The following DHX57 variants were observed in gnomAD, a reference collection of about 807,000 sequenced individuals.
The protein encoded by DHX57 is putative ATP-dependent RNA helicase DHX57.
DHX57 carries 105 observed loss-of-function variants against 156.2 expected under a neutral mutation model. The observed-to-expected ratio is 0.67, with a 90% CI of 0.57 to 0.79. The LOEUF is 0.79. DHX57 is among the 30% of genes least tolerant of loss of function. The probability of loss-of-function intolerance (pLI) is 0.00; values close to 1 mark genes in which losing one functional copy is unlikely to be tolerated. For synonymous variants in DHX57, 704 were observed against 595.6 expected (o/e 1.18, Z -2.65); for missense variants, 1,847 against 1,661.9 (o/e 1.11, Z -1.94).
chr2:38,872,907 C>T (rs1335343050), intron 1 of DHX57, among the ~76,000 whole-genome samples: 2 of 152,146 alleles, frequency 1.3e-5, no homozygotes, highest in Non-Finnish European at 2.9e-5. Context: ...CTCCACCCAA[C>T]AACGAACTAT....
chr2:38,798,207 C>G lies in DHX57; in HGVS notation c.*92G>C, dbSNP rs894003147. 6.6e-7 allele frequency: 1 copy of G among 1,518,976 alleles called. No individual in the cohort carries two copies. The highest frequency in any genetic ancestry group is 2.2e-5 in the Admixed American group (1 of 46,256). The allele number at this position is 1,518,976 out of a possible 1,614,324, so 94.1% of individuals were successfully genotyped here. On this transcript the variant is annotated 3_prime_UTR_variant, in exon 24 of 24. Transcript: ENST00000457308. ...TGGGCTCCTCCACCAGGGCCAGCCC[C>G]AATAGGTCTTTAGTTCGAGGTAGAG...
Position 38,861,031 on chromosome 2 carries a change from T to C in DHX57, c.1379A>G (p.Asn460Ser), listed in dbSNP as rs561305100. 3.4e-4 allele frequency: 541 copies of C among 1,613,796 alleles called. 8 individuals carry two copies. The South Asian group carries it at 5.5e-3, about 17-fold the overall frequency. Residue 460 changes from asparagine to serine, a missense_variant, in exon 5 of 24, where the codon AAT (asparagine) becomes AGT (serine). Coordinates refer to ENST00000457308, the MANE Select transcript of DHX57 (RefSeq NM_198963.3). ...AATTTGATTAGAAACAAAAGAATTA[T>C]TTGGAATCACTGTTTTATGACAGGC... ...NPACHKTVIP[N>S]NSFVSNQIPE...
Position 38,868,290 on chromosome 2 carries a change from C to A in DHX57, c.116G>T (p.Gly39Val). ...ACCTCCACCACCACCACCACCGCCA[C>A]CGCCACCACTCCCATGAGATTTACT... Reference protein sequence around the residue: ...HASKSHGSGGGGGGGGGGGGG... With the variant: ...HASKSHGSGGVGGGGGGGGGG... Residue 39 changes from glycine (G) to valine (V), a missense_variant, in exon 2 of 24, where the codon GGT becomes GTT. Gly to Val is a moderately radical substitution (Grantham distance 109). Coordinates refer to ENST00000457308, the MANE Select transcript of DHX57 (RefSeq NM_198963.3). 1 of 1,614,044 alleles carries A rather than the reference C, an allele frequency of 6.2e-7. No homozygotes were observed. Among genetic ancestry groups the A allele is most frequent in the Non-Finnish European group, 8.5e-7 (1 of 1,180,032 alleles).
At chr2:38,816,459 G>A (rs1047704110) in intron 19 of DHX57, among the ~76,000 whole-genome samples, 2 of 151,854 alleles carry the variant, frequency 1.3e-5, no homozygotes, top group African/African-American at 2.4e-5. Flanking sequence ...CAGGTGATCC[G>A]CCCACCTTGG....
intron 2 of DHX57, among the ~76,000 whole-genome samples, chr2:38,867,913 T>C (rs1018683487): frequency 2.0e-5 from 3 of 152,212 alleles, no homozygotes; most frequent in Admixed American, 2.0e-4. Context: ...TAAGGAATAC[T>C]TAAAATAATT....
In DHX57 at chr2:38,835,459, T is replaced by A. The variant is rs72911290; in HGVS notation, c.2542+2372A>T. Among the ~76,000 whole-genome samples, 595 of 152,328 alleles carry A rather than the reference T, an allele frequency of 3.9e-3. 1 individual carries two copies. The highest frequency in any genetic ancestry group is 0.014 in the African/African-American group (563 of 41,582). On this transcript the variant is annotated intron_variant, in intron 13 of 23. Coordinates refer to ENST00000457308, the MANE Select transcript of DHX57 (RefSeq NM_198963.3). ...CTGGACTGGTTCCATCAATGCTTTG[T>A]CCCTGGAATCAGGAAGCACCTTGCC...
Position 38,856,363 on chromosome 2 carries a change from C to A in DHX57, c.1686G>T (p.Val562=), listed in dbSNP as rs780099427. The change falls in exon 7 of 24, where the codon GTG becomes GTT. Residue 562 remains valine, a synonymous_variant. Coordinates refer to ENST00000457308, the MANE Select transcript of DHX57 (RefSeq NM_198963.3). ...TILNLLRKHQ[V]VVISGMTGCG... ...ACCCAGTCATACCACTTATGACAACCACCTGGTGCTTACGCAATAAGTTAA... is the reference window on the plus strand; with the variant it reads ...ACCCAGTCATACCACTTATGACAACAACCTGGTGCTTACGCAATAAGTTAA... 6 of 1,612,320 alleles carry A rather than the reference C, an allele frequency of 3.7e-6. No homozygotes were observed. In the East Asian group the frequency reaches 6.7e-5, roughly 18 times the overall value.
At chr2:38,836,775 C>CA (rs964200602) in intron 13 of DHX57, among the ~76,000 whole-genome samples, 1,782 of 41,618 alleles carry the variant, frequency 0.043, 42 homozygotes, top group African/African-American at 0.071. Context: ...GACCCTGTCT[C>CA]AAAAAAAAAA....
At chr2:38,831,003 G>A (rs1671351674) in intron 13 of DHX57, among the ~76,000 whole-genome samples, 1 of 151,954 alleles carries the variant, frequency 6.6e-6, no homozygotes, top group Admixed American at 6.6e-5. Context: ...AGGAAGTTGG[G>A]GCTGCAGTGA....
chr2:38,800,576 C>G (rs1219440189), intron 23 of DHX57, among the ~76,000 whole-genome samples: 2 of 152,100 alleles, frequency 1.3e-5, no homozygotes, highest in Non-Finnish European at 2.9e-5. Context: ...GTGAATGGCT[C>G]AGGTACTCCA....
At chr2:38,833,942 A>G (rs1671515268) in intron 13 of DHX57, among the ~76,000 whole-genome samples, 2 of 152,206 alleles carry the variant, frequency 1.3e-5, no homozygotes, top group Admixed American at 1.3e-4. Flanking sequence ...ACCTATTATA[A>G]AAGGTTAAAA....
At chr2:38,804,828 C>T (rs894469933) in intron 22 of DHX57, among the ~76,000 whole-genome samples, 1 of 152,200 alleles carries the variant, frequency 6.6e-6, no homozygotes, top group African/African-American at 2.4e-5. Flanking sequence ...TCAGTTGTTT[C>T]TCATCCCGGA....
chr2:38,848,516 C>A lies in DHX57; in HGVS notation c.2031-114G>T, dbSNP rs1201324492. The A allele has an allele frequency of 1.8e-5, 19 of 1,045,844 alleles. No individual in the cohort carries two copies. In the South Asian group the frequency reaches 2.9e-4, roughly 16 times the overall value. The allele number at this position is 1,045,844 out of a possible 1,614,324, so 64.8% of individuals were successfully genotyped here. A position where few individuals can be genotyped will look rare whatever the true frequency, so the allele number is the denominator to read the frequency against. ...GTAAGATCTCTGTGAAAAAAAAAAACCATTAACGTTCATAGAACAATATGT... is the reference window on the plus strand; with the variant it reads ...GTAAGATCTCTGTGAAAAAAAAAAAACATTAACGTTCATAGAACAATATGT... On this transcript the variant is annotated intron_variant, in intron 9 of 23. Transcript: ENST00000457308.
chr2:38,828,159 A>G (rs1001630558), intron 14 of DHX57, among the ~76,000 whole-genome samples, 181 bp downstream of exon 14: 1 of 152,084 alleles, frequency 6.6e-6, no homozygotes, highest in African/African-American at 2.4e-5. Flanking sequence ...CCTGGCCAAT[A>G]TTTTTCTTTA....
intron 21 of DHX57, among the ~76,000 whole-genome samples, chr2:38,809,532 G>C (rs942200768): frequency 2.7e-5 from 4 of 149,470 alleles, no homozygotes; most frequent in Non-Finnish European, 5.9e-5. Flanking sequence ...CGCAATTTCA[G>C]CTCACTGCAA....
At chr2:38,825,650 T>G (rs1018074559) in intron 16 of DHX57, among the ~76,000 whole-genome samples, 197 bp downstream of exon 16, 3 of 152,216 alleles carry the variant, frequency 2.0e-5, no homozygotes, top group African/African-American at 7.2e-5. Context: ...CTCTGCAATG[T>G]AAGAGATCTT....
chr2:38,821,384 G>A (rs1000124861), intron 17 of DHX57, among the ~76,000 whole-genome samples: 2 of 151,942 alleles, frequency 1.3e-5, no homozygotes, highest in African/African-American at 4.8e-5. Flanking sequence ...AATAAAGAAC[G>A]GAAAAACAAT....
At chr2:38,805,058 C>T (rs114309870) in intron 22 of DHX57, among the ~76,000 whole-genome samples, 146 of 152,218 alleles carry the variant, frequency 9.6e-4, no homozygotes, top group Non-Finnish European at 1.7e-3. Context: ...ACAGATTAGG[C>T]GCTAGTAGAT....
intron 11 of DHX57, among the ~76,000 whole-genome samples, chr2:38,845,776 C>G (rs971670568): frequency 6.6e-6 from 1 of 151,952 alleles, no homozygotes; most frequent in African/African-American, 2.4e-5. Context: ...CTACCTAGCA[C>G]TTACAATTGT....
Sources: allele counts gnomAD v4.1 joint callset (sites outside exome capture counted in the v4.1 genomes callset), GRCh38; gene constraint gnomAD v4.1.1; transcripts MANE v1.5; gene names NCBI Gene and HGNC (gene_info 2026-07-23, HGNC 2026-07-21).